Variants in SIRPB1 observed in about 807,000 individuals in gnomAD.
SIRPB1 encodes the protein signal regulatory protein beta 1, also known as signal-regulatory protein beta-1.
In SIRPB1, 28 loss-of-function variants were observed where a neutral mutation model predicts 34.1. The ratio of observed to expected loss-of-function variants is 0.82; its 90% CI spans 0.61 to 1.12. SIRPB1 has a LOEUF of 1.12. Among genes scored for constraint, SIRPB1 ranks in the 50% most tolerant of loss-of-function variants. The pLI, the probability that SIRPB1 is intolerant of heterozygous loss-of-function variation, is 0.00. For synonymous variants in SIRPB1, 211 were observed against 203.8 expected (o/e 1.04, Z -0.30); for missense variants, 499 against 507.0 (o/e 0.98, Z 0.15).
At position 1,614,280 on chromosome 20, in the gene SIRPB1, A is replaced by G. The variant is rs150997530; in HGVS notation, c.76+5589T>C. On this transcript the variant is annotated intron_variant, in intron 1 of 5. Coordinates refer to ENST00000381605, the MANE Select transcript of SIRPB1 (RefSeq NM_006065.5). ...CTTCAGGTGGAAATGAAAGGATGCTACATGGCAACTCAAAGTTGTATGAAG... is the reference window on the plus strand; with the variant it reads ...CTTCAGGTGGAAATGAAAGGATGCTGCATGGCAACTCAAAGTTGTATGAAG... Among the ~76,000 whole-genome samples, 105 of 152,344 alleles carry G rather than the reference A, an allele frequency of 6.9e-4. 1 individual carries two copies. The highest frequency in any genetic ancestry group is 2.4e-3 in the African/African-American group (100 of 41,584).
At chr20:1,613,571 A>T (rs182723866) in intron 1 of SIRPB1, among the ~76,000 whole-genome samples, 5 of 152,220 alleles carry the variant, frequency 3.3e-5, no homozygotes, top group Admixed American at 2.6e-4. Context: ...GAAACTTAGG[A>T]ATTGAAAGTA....
In SIRPB1 at chr20:1,563,324, T is replaced by A. The variant is rs113396431; in HGVS notation, c.*2176A>T. ...GTCTGATCAACATGGAGAAACCCCATCTCTACTAAAAATACAAAATTAGCT... is the reference window on the plus strand; with the variant it reads ...GTCTGATCAACATGGAGAAACCCCAACTCTACTAAAAATACAAAATTAGCT... On this transcript the variant is annotated 3_prime_UTR_variant, in exon 6 of 6. Transcript: ENST00000381605. Among the ~76,000 whole-genome samples, 1,458 of 151,982 alleles carry A rather than the reference T, an allele frequency of 9.6e-3. 29 individuals are homozygous for A. The highest frequency in any genetic ancestry group is 0.034 in the African/African-American group (1,421 of 41,408).
At chr20:1,576,040 C>A (rs1011001632) in intron 2 of SIRPB1, among the ~76,000 whole-genome samples, 1 of 130,438 alleles carries the variant, frequency 7.7e-6, no homozygotes, top group Admixed American at 7.6e-5. Context: ...TGCTCTCTGG[C>A]CCCCTTCCCC....
intron 1 of SIRPB1, 35 bp from the exon 2 acceptor site, chr20:1,578,729 C>A: frequency 6.8e-7 from 1 of 1,472,084 alleles, no homozygotes; most frequent in Non-Finnish European, 9.5e-7. Flanking sequence ...TTTCTTCATC[C>A]TTACCTGATT....
rs1245691793 is a variant in SIRPB1 at position 1,564,809 on chromosome 20, A to C, written c.*691T>G. On this transcript the variant is annotated 3_prime_UTR_variant, in exon 6 of 6. Transcript: ENST00000381605. ...CCTTTCAGAAAGTCCATTGTTAAACATTTACCATCTCATGTAAGTGGACAC... is the reference window on the plus strand; with the variant it reads ...CCTTTCAGAAAGTCCATTGTTAAACCTTTACCATCTCATGTAAGTGGACAC... 2.5e-6 allele frequency: 1 copy of C among 398,036 alleles called. No homozygotes were observed. Among genetic ancestry groups the C allele is most frequent in the Non-Finnish European group, 4.4e-6 (1 of 225,984 alleles). 24.7% of individuals were successfully genotyped at this position (398,036 alleles called of 1,614,324 possible).
At position 1,562,354 on chromosome 20, in the gene SIRPB1, G is replaced by T. The variant is rs2122143668; in HGVS notation, c.*3146C>A. On this transcript the variant is annotated 3_prime_UTR_variant, in exon 6 of 6. Transcript: ENST00000381605. Reference sequence around the variant, plus strand: ...CCTAGTAGAAACCAATGACCTCAATGATGTATTCACTCATTTAAAAAAATT... The same window carrying T: ...CCTAGTAGAAACCAATGACCTCAATTATGTATTCACTCATTTAAAAAAATT... Among the ~76,000 whole-genome samples, 1 of 152,238 alleles carries T rather than the reference G, an allele frequency of 6.6e-6. No homozygotes were observed. The highest frequency in any genetic ancestry group is 1.5e-5 in the Non-Finnish European group (1 of 68,022).
chr20:1,578,892 G>A (rs2091361544), intron 1 of SIRPB1, among the ~76,000 whole-genome samples, 198 bp from the exon 2 acceptor site: 1 of 148,194 alleles, frequency 6.7e-6, no homozygotes, highest in Admixed American at 6.7e-5. Context: ...GAACACTGAG[G>A]CACAGAGAGG....
intron 1 of SIRPB1, among the ~76,000 whole-genome samples, chr20:1,614,414 G>T (rs1054679546): frequency 8.5e-5 from 13 of 152,156 alleles, no homozygotes; most frequent in Admixed American, 7.2e-4. Context: ...GTATTTTAAA[G>T]CTGGTCCCTG....
intron 2 of SIRPB1, 194 bp downstream of exon 2, chr20:1,578,144 C>G: frequency 1.6e-6 from 1 of 627,126 alleles, no homozygotes; most frequent in East Asian, 2.7e-5. Flanking sequence ...CATTTACAAG[C>G]CGTGGAGCCT....
Position 1,571,813 on chromosome 20 carries a change from C to A in SIRPB1, c.658G>T (p.Asp220Tyr). ...STARVVLTRG[D>Y]VHSQVICEIA... ...TCGCAGATGACTTGAGAGTGAACGT[C>A]CCCACGGGTCAGCACCACCCTGGCT... Residue 220 changes from aspartate (D) to tyrosine (Y), a missense_variant, in exon 3 of 6, where the codon GAC becomes TAC. Physicochemically the swap from Asp to Tyr is radical, Grantham distance 160 (BLOSUM62 -3). Coordinates refer to ENST00000381605, the MANE Select transcript of SIRPB1 (RefSeq NM_006065.5). The A allele has an allele frequency of 2.5e-6, 4 of 1,614,194 alleles. No homozygotes were observed. The highest frequency in any genetic ancestry group is 1.7e-6 in the Non-Finnish European group (2 of 1,179,986).
At position 1,565,174 on chromosome 20, in the gene SIRPB1, GGA is replaced by G; in HGVS notation, c.*324_*325del. ...AAGACAGGATAACTCTTGAGAGCCTGGAGAGAGTCTGTGGTTTATGGCCAGTC... is the reference window on the plus strand; with the variant it reads ...AAGACAGGATAACTCTTGAGAGCCTGGAGAGTCTGTGGTTTATGGCCAGTC... On this transcript the variant is annotated 3_prime_UTR_variant, in exon 6 of 6. Coordinates refer to ENST00000381605, the MANE Select transcript of SIRPB1 (RefSeq NM_006065.5). 5.0e-6 allele frequency: 2 copies of G among 397,558 alleles called. No individual in the cohort carries two copies. The highest frequency in any genetic ancestry group is 4.4e-6 in the Non-Finnish European group (1 of 225,964). 24.6% of individuals were successfully genotyped at this position (397,558 alleles called of 1,614,324 possible).
Position 1,571,654 on chromosome 20 carries a change from C to T in SIRPB1, c.751+66G>A, listed in dbSNP as rs968639695. 58 of 1,609,960 alleles carry T rather than the reference C, an allele frequency of 3.6e-5. 1 individual carries two copies. Among genetic ancestry groups the T allele is most frequent in the Non-Finnish European group, 2.8e-5 (33 of 1,177,450 alleles). On this transcript the variant is annotated intron_variant, in intron 3 of 5. Transcript: ENST00000381605. ...ATTCCAGGCCTTTCAAGCTCTGGAG[C>T]CTGGGGAGAGGGGAGTGGGCTTGGC...
chr20:1,571,867 C>G lies in SIRPB1; in HGVS notation c.604G>C (p.Asp202His), dbSNP rs781392939. Reference protein sequence around the residue: ...DFQTNVDPAGDSVSYSIHSTA... With the variant: ...DFQTNVDPAGHSVSYSIHSTA... ...CTGTGGATGCTGTAGGACACACTGT[C>G]TCCTGCGGGGTCCACGTTGGTCTGG... Residue 202 changes from aspartate to histidine, a missense_variant, in exon 3 of 6, where the codon GAC becomes CAC. Transcript: ENST00000381605. 6 of 1,614,108 alleles carry G rather than the reference C, an allele frequency of 3.7e-6. No homozygotes were observed. The highest frequency in any genetic ancestry group is 2.7e-5 in the African/African-American group (2 of 74,930).
In SIRPB1 at chr20:1,571,802, A is replaced by C. The variant is rs1248556347; in HGVS notation, c.669T>G (p.Ser223=). The part of the protein sequence containing the change: ...RVVLTRGDVH[S]QVICEIAHIT... The stretch of plus-strand genomic sequence containing the variant: ...TGTGGGCTATCTCGCAGATGACTTG[A>C]GAGTGAACGTCCCCACGGGTCAGCA... The change falls in exon 3 of 6, where the codon TCT becomes TCG. Residue 223 remains serine, a synonymous_variant. Transcript: ENST00000381605. The C allele has an allele frequency of 1.2e-6, 2 of 1,614,214 alleles. No individual in the cohort carries two copies. Among genetic ancestry groups the C allele is most frequent in the Admixed American group, 3.3e-5 (2 of 60,020 alleles).
At chr20:1,577,407 T>C (rs1402812329) in intron 2 of SIRPB1, among the ~76,000 whole-genome samples, 1 of 147,108 alleles carries the variant, frequency 6.8e-6, no homozygotes, top group Non-Finnish European at 1.5e-5. Context: ...GTAAAGGGGG[T>C]TGGGCTGGAT....
In SIRPB1 at chr20:1,583,541, A is replaced by G. The variant is rs969737457; in HGVS notation, c.77-4847T>C. ...TGGATATGGATATGAATATAACTAT[A>G]GATATAGATAATATAGGCAGGGTTC... On this transcript the variant is annotated intron_variant, in intron 1 of 5. Coordinates refer to ENST00000381605, the MANE Select transcript of SIRPB1 (RefSeq NM_006065.5). Among the ~76,000 whole-genome samples the G allele has an allele frequency of 2.1e-4, 10 of 48,598 alleles. 5 individuals carry two copies. The highest frequency in any genetic ancestry group is 4.0e-4 in the Non-Finnish European group (10 of 25,310). The allele number at this position is 48,598 out of a possible 152,430, so 31.9% of individuals were successfully genotyped here. A position where few individuals can be genotyped will look rare whatever the true frequency, so the allele number is the denominator to read the frequency against.
chr20:1,610,771 C>T lies in SIRPB1; in HGVS notation c.76+9098G>A, dbSNP rs1424093168. Among the ~76,000 whole-genome samples the T allele has an allele frequency of 2.8e-5, 2 of 72,678 alleles. 1 individual carries two copies. The highest frequency in any genetic ancestry group is 5.2e-5 in the Non-Finnish European group (2 of 38,690). 47.7% of individuals were successfully genotyped at this position (72,678 alleles called of 152,430 possible). On this transcript the variant is annotated intron_variant, in intron 1 of 5. Transcript: ENST00000381605. ...GAATGTGCCTCCCAGAAATCTTGCC[C>T]GTGGGGTGTTTCTGAGGATGAAATA... is the stretch of plus-strand genomic sequence containing the variant.
At chr20:1,616,008 T>C (rs938938239) in intron 1 of SIRPB1, among the ~76,000 whole-genome samples, 8 of 152,058 alleles carry the variant, frequency 5.3e-5, no homozygotes, top group African/African-American at 1.9e-4. Context: ...TAGAAACAGA[T>C]TTACTCAAGG....
chr20:1,602,314 C>T (rs2091479768), intron 1 of SIRPB1, among the ~76,000 whole-genome samples: 1 of 48,766 alleles, frequency 2.1e-5, no homozygotes, highest in Non-Finnish European at 3.9e-5. Context: ...AGAAATATGA[C>T]GACATAGATA....
Sources: gnomAD v4.1 joint callset for allele counts (sites outside exome capture counted in the v4.1 genomes callset) on GRCh38, gnomAD v4.1.1 for gene constraint, MANE v1.5 for transcripts, NCBI Gene and HGNC (gene_info 2026-07-23, HGNC 2026-07-21) for gene names.